Variants in ATAD3B observed in about 807,000 individuals in gnomAD.
The protein encoded by ATAD3B is ATPase family AAA domain-containing protein 3B.
In ATAD3B, 59 loss-of-function variants were observed where a neutral mutation model predicts 70.2. That is an observed-to-expected ratio of 0.84 (90% CI 0.68 to 1.04). The LOEUF (loss-of-function observed/expected upper bound fraction) is 1.04. Among genes scored for constraint, ATAD3B ranks in the 50% least tolerant of loss-of-function variants. The probability of loss-of-function intolerance (pLI) is 0.00; values close to 1 mark genes in which losing one functional copy is unlikely to be tolerated. For missense variants in ATAD3B, 961 were observed against 913.4 expected, an observed-to-expected ratio of 1.05 and a Z score of -0.67; for synonymous variants, 423 against 388.6, an observed-to-expected ratio of 1.09 and a Z score of -1.04.
Position 1,493,958 on chromosome 1 carries a change from A to G in ATAD3B, c.1615-1527A>G, listed in dbSNP as rs569740111. Among the ~76,000 whole-genome samples the G allele has an allele frequency of 5.9e-5, 9 of 152,026 alleles. 1 individual carries two copies. In the South Asian group the frequency reaches 1.9e-3, roughly 32 times the overall value. On this transcript the variant is annotated intron_variant, in intron 15 of 15. Transcript: ENST00000673477. The stretch of plus-strand genomic sequence containing the variant: ...TAGGATGAGTGAGGAAATGTTCTTC[A>G]ATTTGTCCAAGAGTTTGAGGAGTGG...
rs1241714139 is a variant in ATAD3B, at chr1:1,475,075, G to T, written c.206-2199G>T. The stretch of plus-strand genomic sequence containing the variant: ...CAGCCTCAGGCCGCCTCCCCATAGT[G>T]CAGACCTGTGCCTCTGAGTTGCTCC... On this transcript the variant is annotated intron_variant, in intron 1 of 15. Coordinates refer to ENST00000673477, the MANE Select transcript of ATAD3B (RefSeq NM_031921.6). Among the ~76,000 whole-genome samples the T allele has an allele frequency of 6.1e-5, 9 of 148,640 alleles. No individual in the cohort carries two copies. The South Asian group carries it at 1.5e-3, about 25-fold the overall frequency.
chr1:1,483,925 AG>A (rs1262491743), intron 7 of ATAD3B: 1 of 152,150 alleles, frequency 6.6e-6, no homozygotes, highest in Non-Finnish European at 1.5e-5. Context: ...CAGGTGCTGC[AG>A]TCACAGCAGT....
chr1:1,504,619 A>G, the ATAD3B span, among the ~76,000 whole-genome samples: 1 of 151,870 alleles, frequency 6.6e-6, no homozygotes, highest in Non-Finnish European at 1.5e-5. Context: ...CATTGCACTG[A>G]AGCCTCAGCA....
the ATAD3B span, among the ~76,000 whole-genome samples, chr1:1,506,518 C>T: frequency 1.3e-5 from 2 of 151,834 alleles, no homozygotes; most frequent in Admixed American, 6.6e-5. Context: ...TGCCTTGGCT[C>T]CCAAAGTGCT....
rs1640765323 is a variant in ATAD3B, at chr1:1,495,848, CTGCCCCTCGAGACACTCTTGGGAGA to C, written c.*35_*59del. 6 of 1,518,386 alleles carry C rather than the reference CTGCCCCTCGAGACACTCTTGGGAGA, an allele frequency of 4.0e-6. No homozygotes were observed. The highest frequency in any genetic ancestry group is 4.4e-6 in the Non-Finnish European group (5 of 1,137,084). 94.1% of individuals were successfully genotyped at this position (1,518,386 alleles called of 1,614,324 possible). On this transcript the variant is annotated 3_prime_UTR_variant, in exon 16 of 16. Transcript: ENST00000673477. ...GGCTAGGGAGGGGCAGGCCTCCTTC[CTGCCCCTCGAGACACTCTTGGGAGA>C]TGCATTTTCCGTCTGGCTCACAGGG...
chr1:1,494,781 C>T (rs1333487916), intron 15 of ATAD3B, among the ~76,000 whole-genome samples: 1 of 151,666 alleles, frequency 6.6e-6, no homozygotes, highest in Non-Finnish European at 1.5e-5. Context: ...CCTGTGCTTC[C>T]TCCAGGTGTC....
In ATAD3B at chr1:1,495,942, G is replaced by T; in HGVS notation, c.*125G>T. On this transcript the variant is annotated 3_prime_UTR_variant, in exon 16 of 16. Coordinates refer to ENST00000673477, the MANE Select transcript of ATAD3B (RefSeq NM_031921.6). Reference sequence around the variant, plus strand: ...CCCCAGCCCCTGCCCAGGCCACTGTGAGGGTGGGTGCTGGCTGAGCCCCTG... The same window carrying T: ...CCCCAGCCCCTGCCCAGGCCACTGTTAGGGTGGGTGCTGGCTGAGCCCCTG... 1 of 1,412,800 alleles carries T rather than the reference G, an allele frequency of 7.1e-7. No homozygotes were observed. Among genetic ancestry groups the T allele is most frequent in the South Asian group, 1.6e-5 (1 of 62,162 alleles). 87.5% of individuals were successfully genotyped at this position (1,412,800 alleles called of 1,614,324 possible).
In ATAD3B at chr1:1,497,142, T is replaced by TG. The variant is rs1002880663; in HGVS notation, c.*1327dup. 3.9e-5 allele frequency: 6 copies of TG among 152,142 alleles called. No homozygotes were observed. The highest frequency in any genetic ancestry group is 1.5e-4 in the African/African-American group (6 of 41,328). The allele number at this position is 152,142 out of a possible 1,614,324, so 9.4% of individuals were successfully genotyped here. A position where few individuals can be genotyped will look rare whatever the true frequency, so the allele number is the denominator to read the frequency against. ...GCAGACCCCTCGGAGCTGCAGTGCTTGGAGGGGGGCGGTCTACCTCTGCTC... is the reference window on the plus strand; with the variant it reads ...GCAGACCCCTCGGAGCTGCAGTGCTTGGGAGGGGGGCGGTCTACCTCTGCTC... On this transcript the variant is annotated 3_prime_UTR_variant, in exon 16 of 16. Coordinates refer to ENST00000673477, the MANE Select transcript of ATAD3B (RefSeq NM_031921.6).
chr1:1,496,129 C>T lies in ATAD3B; in HGVS notation c.*312C>T. ...CCCGGCAGGGGTGTCTGAGGCCGCCCTGTCAGCTGGCCGGTCCAAGCCTGT... is the reference window on the plus strand; with the variant it reads ...CCCGGCAGGGGTGTCTGAGGCCGCCTTGTCAGCTGGCCGGTCCAAGCCTGT... On this transcript the variant is annotated 3_prime_UTR_variant, in exon 16 of 16. Transcript: ENST00000673477. The T allele has an allele frequency of 1.8e-6, 2 of 1,132,420 alleles. No individual in the cohort carries two copies. The highest frequency in any genetic ancestry group is 2.2e-6 in the Non-Finnish European group (2 of 922,042). The allele number at this position is 1,132,420 out of a possible 1,614,324, so 70.1% of individuals were successfully genotyped here.
rs1368201194 is a variant in ATAD3B at position 1,497,088 on chromosome 1, G to T, written c.*1271G>T. The T allele has an allele frequency of 6.6e-6, 1 of 151,690 alleles. No individual in the cohort carries two copies. The highest frequency in any genetic ancestry group is 1.5e-5 in the Non-Finnish European group (1 of 67,988). 9.4% of individuals were successfully genotyped at this position (151,690 alleles called of 1,614,324 possible). Reference sequence around the variant, plus strand: ...GGTTGAAGTAGGAAACAGAAGAGGAGCCTGGGCACGCAACGGTCCCATCGG... The same window carrying T: ...GGTTGAAGTAGGAAACAGAAGAGGATCCTGGGCACGCAACGGTCCCATCGG... On this transcript the variant is annotated 3_prime_UTR_variant, in exon 16 of 16. Transcript: ENST00000673477.
In ATAD3B at chr1:1,490,598, A is replaced by G. The variant is rs1392201332; in HGVS notation, c.1541A>G (p.Lys514Arg). ...CTGGCCCAGTTTGACTACGGGAGGA[A>G]GTGCTCGGAGGTCGCTCGGCTGACG... ...LKLAQFDYGRKCSEVARLTEG... is the reference protein window; with the variant it reads ...LKLAQFDYGRRCSEVARLTEG... The change falls in exon 15 of 16, where the codon AAG becomes AGG. Residue 514 changes from lysine (K) to arginine (R), a missense_variant. Coordinates refer to ENST00000673477, the MANE Select transcript of ATAD3B (RefSeq NM_031921.6). 2.5e-6 allele frequency: 4 copies of G among 1,609,640 alleles called. No homozygotes were observed. Among genetic ancestry groups the G allele is most frequent in the African/African-American group, 2.7e-5 (2 of 74,846 alleles).
chr1:1,477,232 C>G (rs368212701), intron 1 of ATAD3B, 42 bp from the exon 2 acceptor site: 49 of 1,607,858 alleles, frequency 3.0e-5, no homozygotes, highest in Non-Finnish European at 4.1e-5. Flanking sequence ...CTTTGGTATC[C>G]GTGTATCCTA....
At chr1:1,483,038 T>A in intron 7 of ATAD3B, 1 of 456,046 alleles carries the variant, frequency 2.2e-6, no homozygotes, top group South Asian at 1.6e-5. Context: ...CTCAGGCCTG[T>A]AATCCCAGCA....
Position 1,482,259 on chromosome 1 carries a change from C to T in ATAD3B, c.636C>T (p.Arg212=). 6.2e-7 allele frequency: 1 copy of T among 1,611,292 alleles called. No homozygotes were observed. Among genetic ancestry groups the T allele is most frequent in the South Asian group, 1.1e-5 (1 of 90,878 alleles). Residue 212 remains arginine (R), a synonymous_variant, in exon 6 of 16, where the codon CGC becomes CGT. Transcript: ENST00000673477. ...ENADIIREQI[R]LKASEHRQTV... The stretch of plus-strand genomic sequence containing the variant: ...CAGACATCATCCGCGAGCAGATCCG[C>T]CTGAAGGCGTCCGAGCACCGTCAGA...
At chr1:1,494,105 G>A (rs79607068) in intron 15 of ATAD3B, among the ~76,000 whole-genome samples, 22,552 of 151,892 alleles carry the variant, frequency 0.15, 4,045 homozygotes, top group East Asian at 0.46. Context: ...GTAGCACAGA[G>A]AGCTCCCGGG....
Position 1,472,021 on chromosome 1 carries a change from A to G in ATAD3B, c.137A>G (p.Lys46Arg). 3.2e-6 allele frequency: 4 copies of G among 1,237,252 alleles called. No homozygotes were observed. Among genetic ancestry groups the G allele is most frequent in the South Asian group, 4.0e-5 (1 of 24,770 alleles). 76.6% of individuals were successfully genotyped at this position (1,237,252 alleles called of 1,614,324 possible). ...GLGDRPAPKD[K>R]WSNFDPTGLE... is the part of the protein sequence containing the mutation. ...GGAGACCGGCCGGCGCCCAAGGACA[A>G]ATGGAGCAACTTCGACCCCACCGGC... The change falls in exon 1 of 16, where the codon AAA becomes AGA. Residue 46 changes from lysine to arginine, a missense_variant. Physicochemically the swap from Lys to Arg is conservative, Grantham distance 26. Transcript: ENST00000673477.
chr1:1,499,182 A>G (rs1298186099), downstream of ATAD3B, among the ~76,000 whole-genome samples: 2 of 151,170 alleles, frequency 1.3e-5, no homozygotes, highest in South Asian at 4.2e-4. Flanking sequence ...CGTGTTAGCC[A>G]GGATGGTCTC....
chr1:1,506,471 A>G, the ATAD3B span, among the ~76,000 whole-genome samples: 1 of 150,146 alleles, frequency 6.7e-6, no homozygotes, highest in Non-Finnish European at 1.5e-5. Context: ...GTCGTCGGCC[A>G]GGATGGTCCC....
the ATAD3B span, among the ~76,000 whole-genome samples, chr1:1,506,791 T>TC: frequency 9.0e-5 from 13 of 143,882 alleles, no homozygotes; most frequent in African/African-American, 2.7e-4. Context: ...TTTTTTCTTT[T>TC]TTTTTTTTTT....
Sources: gnomAD v4.1 joint callset for allele counts (sites outside exome capture counted in the v4.1 genomes callset) on GRCh38, gnomAD v4.1.1 for gene constraint, MANE v1.5 for transcripts, NCBI Gene and HGNC (gene_info 2026-07-23, HGNC 2026-07-21) for gene names.